Variants in NELL1 observed in about 807,000 individuals in gnomAD.
The protein encoded by NELL1 is protein kinase C-binding protein NELL1.
In NELL1, 76 loss-of-function variants were observed where a neutral mutation model predicts 107.4. The observed-to-expected ratio is 0.71, with a 90% CI of 0.59 to 0.86. NELL1 has a LOEUF of 0.86. Ranked by LOEUF, NELL1 falls within the 40% of genes least tolerant of loss-of-function variation. NELL1 has a pLI of 0.00. For synonymous variants in NELL1, 353 were observed against 341.2 expected (o/e 1.03, Z -0.38); for missense variants, 1,024 against 1,005.5 (o/e 1.02, Z -0.25).
At chr11:20,769,788 C>T (rs1207729191) in intron 2 of NELL1, among the ~76,000 whole-genome samples, 2 of 152,140 alleles carry the variant, frequency 1.3e-5, no homozygotes, top group African/African-American at 4.8e-5. Flanking sequence ...CCTGGCTGTG[C>T]TTCAGACCCT....
At chr11:20,856,551 T>C (rs1848885172) in intron 4 of NELL1, among the ~76,000 whole-genome samples, 1 of 152,204 alleles carries the variant, frequency 6.6e-6, no homozygotes. Context: ...GGAATTTTAT[T>C]ATCATTGGAG....
intron 15 of NELL1, among the ~76,000 whole-genome samples, chr11:21,528,360 TG>T (rs1231581629): frequency 6.6e-6 from 1 of 152,118 alleles, no homozygotes; most frequent in East Asian, 1.9e-4. Flanking sequence ...GTTTGGGTCA[TG>T]GAGGCATAGC....
chr11:21,364,459 C>T (rs1323379195), intron 14 of NELL1, among the ~76,000 whole-genome samples: 1 of 139,812 alleles, frequency 7.2e-6, no homozygotes, highest in African/African-American at 2.7e-5. Flanking sequence ...CCTATCCTAT[C>T]ACAAAATGCT....
At chr11:20,711,432 G>C (rs545192598) in intron 2 of NELL1, among the ~76,000 whole-genome samples, 4 of 151,970 alleles carry the variant, frequency 2.6e-5, no homozygotes, top group Non-Finnish European at 4.4e-5. Flanking sequence ...TGTTGCCTAA[G>C]TACCTTGTAT....
chr11:20,996,198 A>G (rs562932204), intron 12 of NELL1, among the ~76,000 whole-genome samples: 3 of 152,132 alleles, frequency 2.0e-5, no homozygotes, highest in African/African-American at 7.2e-5. Context: ...GACTCAGCTC[A>G]TTTAGGTAAG....
intron 14 of NELL1, among the ~76,000 whole-genome samples, chr11:21,275,227 G>C (rs1249073751): frequency 6.6e-6 from 1 of 152,186 alleles, no homozygotes; most frequent in African/African-American, 2.4e-5. Context: ...TATCACCACC[G>C]AACCCACAGA....
intron 12 of NELL1, among the ~76,000 whole-genome samples, chr11:21,087,792 T>A (rs1445943825): frequency 6.6e-6 from 1 of 152,194 alleles, no homozygotes; most frequent in Non-Finnish European, 1.5e-5. Context: ...TATAGCTGAT[T>A]GTTTTTGTAA....
intron 15 of NELL1, among the ~76,000 whole-genome samples, chr11:21,473,900 T>A (rs1854251109): frequency 6.6e-6 from 1 of 152,102 alleles, no homozygotes; most frequent in South Asian, 2.1e-4. Flanking sequence ...AGATTCATGC[T>A]TCAAGGTGTC....
At chr11:21,077,065 C>T (rs1590613830) in intron 12 of NELL1, among the ~76,000 whole-genome samples, 1 of 152,174 alleles carries the variant, frequency 6.6e-6, no homozygotes, top group Non-Finnish European at 1.5e-5. Flanking sequence ...CCCACCTTCC[C>T]ATTTTAAGTA....
At chr11:21,001,793 A>T (rs1000416357) in intron 12 of NELL1, among the ~76,000 whole-genome samples, 2 of 151,880 alleles carry the variant, frequency 1.3e-5, no homozygotes, top group African/African-American at 4.8e-5. Context: ...TAGCGAGAAC[A>T]GCCTCAAGGA....
At chr11:21,296,566 A>G (rs1849381190) in intron 14 of NELL1, among the ~76,000 whole-genome samples, 1 of 152,046 alleles carries the variant, frequency 6.6e-6, no homozygotes, top group South Asian at 2.1e-4. Flanking sequence ...AACACAGTTC[A>G]GTGTTTGGTT....
intron 15 of NELL1, among the ~76,000 whole-genome samples, chr11:21,488,502 T>G (rs1208885171): frequency 2.0e-5 from 3 of 152,060 alleles, no homozygotes; most frequent in South Asian, 2.1e-4. Context: ...GCTTAGGGTA[T>G]GGTTACTAGT....
At chr11:20,823,881 G>A (rs560562607) in intron 3 of NELL1, among the ~76,000 whole-genome samples, 1 of 151,330 alleles carries the variant, frequency 6.6e-6, no homozygotes, top group Non-Finnish European at 1.5e-5. Flanking sequence ...AAATTGGTTA[G>A]GATACAGGAG....
At chr11:21,367,248 A>C (rs377753732) in intron 14 of NELL1, among the ~76,000 whole-genome samples, 20 of 139,440 alleles carry the variant, frequency 1.4e-4, no homozygotes, top group African/African-American at 5.2e-4. Context: ...TGACAGATTC[A>C]GGTTTATCTT....
chr11:21,048,762 C>T (rs1853417512), intron 12 of NELL1, among the ~76,000 whole-genome samples: 1 of 152,060 alleles, frequency 6.6e-6, no homozygotes, highest in African/African-American at 2.4e-5. Flanking sequence ...ATGGAATGTC[C>T]ACGCCTCCGC....
intron 13 of NELL1, among the ~76,000 whole-genome samples, chr11:21,172,120 G>A (rs1407239846): frequency 6.6e-6 from 1 of 151,936 alleles, no homozygotes; most frequent in East Asian, 1.9e-4. Flanking sequence ...GCACCGCAAA[G>A]GGTATTTTTT....
chr11:21,270,905 A>G (rs1453990), intron 14 of NELL1, among the ~76,000 whole-genome samples: 53,715 of 152,074 alleles, frequency 0.35, 11,180 homozygotes, highest in Non-Finnish European at 0.48. Flanking sequence ...GGATTAAACA[A>G]CACACTTTTA....
At chr11:20,734,455 G>A (rs960230679) in intron 2 of NELL1, among the ~76,000 whole-genome samples, 9 of 152,146 alleles carry the variant, frequency 5.9e-5, no homozygotes, top group Non-Finnish European at 1.0e-4. Context: ...TGATGGCTCC[G>A]ATGAGGATCA....
chr11:20,697,700 C>T (rs920264749), intron 2 of NELL1, among the ~76,000 whole-genome samples: 2 of 152,108 alleles, frequency 1.3e-5, no homozygotes, highest in African/African-American at 4.8e-5. Context: ...TAAAAGAGAA[C>T]TGGCTTGCCG....
Sources: gnomAD v4.1 joint callset for allele counts (sites outside exome capture counted in the v4.1 genomes callset) on GRCh38, gnomAD v4.1.1 for gene constraint, MANE v1.5 for transcripts, NCBI Gene and HGNC (gene_info 2026-07-23, HGNC 2026-07-21) for gene names.